EYS: variants seen among roughly 807,000 people sequenced by gnomAD.
EYS encodes the protein EGF-like photoreceptor maintenance factor.
EYS carries 250 observed loss-of-function variants against 282.1 expected under a neutral mutation model. That is an observed-to-expected ratio of 0.89 (90% CI 0.80 to 0.98). The LOEUF (loss-of-function observed/expected upper bound fraction) is 0.98. Ranked by LOEUF, EYS falls within the 50% of genes least tolerant of loss-of-function variation. The probability of loss-of-function intolerance (pLI) is 0.00; values close to 1 mark genes in which losing one functional copy is unlikely to be tolerated. For missense variants in EYS, 4,016 were observed against 3,709.0 expected (o/e 1.08, Z -2.15); for synonymous variants, 1,355 against 1,282.9 (o/e 1.06, Z -1.20).
intron 8 of EYS, among the ~76,000 whole-genome samples, chr6:65,364,427 C>T (rs558266430): frequency 1.2e-4 from 18 of 150,864 alleles, no homozygotes; most frequent in African/African-American, 4.4e-4. Context: ...AATATGATAA[C>T]CTTGCATGAG....
intron 12 of EYS, among the ~76,000 whole-genome samples, chr6:65,131,341 C>T (rs1019825146): frequency 2.0e-5 from 3 of 151,842 alleles, no homozygotes; most frequent in Non-Finnish European, 4.4e-5. Context: ...AAACAATCAT[C>T]AGCAAATGCA....
At chr6:64,376,873 CA>C (rs1272486028) in intron 29 of EYS, among the ~76,000 whole-genome samples, 2 of 152,102 alleles carry the variant, frequency 1.3e-5, no homozygotes, top group African/African-American at 4.8e-5. Context: ...TAGGTTTCCT[CA>C]GCTACATAAT....
chr6:64,222,899 C>A (rs951018630), intron 31 of EYS, among the ~76,000 whole-genome samples: 1 of 151,820 alleles, frequency 6.6e-6, no homozygotes, highest in African/African-American at 2.4e-5. Flanking sequence ...TTGTTTTAGT[C>A]TTATATTAAG....
At chr6:65,196,648 A>T (rs2150243165) in intron 12 of EYS, among the ~76,000 whole-genome samples, 1 of 152,226 alleles carries the variant, frequency 6.6e-6, no homozygotes, top group East Asian at 1.9e-4. Flanking sequence ...GAAAACACAC[A>T]CATAAATGTA....
chr6:65,656,365 C>G (rs1039437525), intron 1 of EYS, among the ~76,000 whole-genome samples: 1 of 151,878 alleles, frequency 6.6e-6, no homozygotes. Context: ...AGCCAGGCCT[C>G]TTGCACCAAA....
At chr6:65,595,649 C>CA (rs61686102) in intron 2 of EYS, among the ~76,000 whole-genome samples, 33,858 of 146,060 alleles carry the variant, frequency 0.23, 3,811 homozygotes, top group Middle Eastern at 0.38. Context: ...TCTTTTATCT[C>CA]AAAAAAAAAA....
chr6:65,407,789 G>C (rs1766818425), intron 5 of EYS, among the ~76,000 whole-genome samples: 1 of 147,742 alleles, frequency 6.8e-6, no homozygotes, highest in African/African-American at 2.5e-5. Flanking sequence ...GTGTGTGTAT[G>C]TCTAACAAAT....
At chr6:64,217,439 G>A (rs187603929) in intron 31 of EYS, among the ~76,000 whole-genome samples, 52 of 152,250 alleles carry the variant, frequency 3.4e-4, no homozygotes, top group Admixed American at 3.4e-3. Flanking sequence ...TGAGACAGGA[G>A]AATCCCTTGA....
At chr6:64,388,382 T>C (rs1461434231) in intron 29 of EYS, among the ~76,000 whole-genome samples, 1 of 152,186 alleles carries the variant, frequency 6.6e-6, no homozygotes, top group African/African-American at 2.4e-5. Flanking sequence ...AAAATCACTA[T>C]CTTAGTGGAC....
chr6:65,017,855 C>T (rs759461811), intron 13 of EYS, among the ~76,000 whole-genome samples: 2 of 152,054 alleles, frequency 1.3e-5, no homozygotes, highest in Non-Finnish European at 2.9e-5. Context: ...TCGTAATACT[C>T]CCCTTTGTAA....
At chr6:64,296,922 A>G (rs1769050785) in intron 30 of EYS, among the ~76,000 whole-genome samples, 1 of 152,084 alleles carries the variant, frequency 6.6e-6, no homozygotes, top group Non-Finnish European at 1.5e-5. Context: ...TTTTTGATGT[A>G]ACTATTTTGA....
intron 31 of EYS, among the ~76,000 whole-genome samples, chr6:64,158,376 A>G (rs1346995823): frequency 1.3e-5 from 2 of 152,198 alleles, no homozygotes; most frequent in Non-Finnish European, 2.9e-5. Flanking sequence ...TTTTTGATTA[A>G]GCAAACTAAT....
At chr6:64,595,692 G>A (rs200743240) in intron 24 of EYS, among the ~76,000 whole-genome samples, 1 of 152,058 alleles carries the variant, frequency 6.6e-6, no homozygotes, top group South Asian at 2.1e-4. Context: ...AGTCACAATA[G>A]CCTCACAAAA....
At chr6:64,073,769 T>C (rs889660003) in intron 32 of EYS, among the ~76,000 whole-genome samples, 1 of 151,578 alleles carries the variant, frequency 6.6e-6, no homozygotes, top group African/African-American at 2.4e-5. Flanking sequence ...TATATGTGTG[T>C]GTGTGTGCAT....
intron 33 of EYS, among the ~76,000 whole-genome samples, chr6:64,031,675 G>A (rs535593007): frequency 3.0e-4 from 46 of 152,324 alleles, no homozygotes; most frequent in African/African-American, 1.1e-3. Context: ...CTCAGGGTTT[G>A]TGAATGCTCC....
At chr6:63,984,311 C>CAG in intron 35 of EYS, 72 bp downstream of exon 35, 1 of 1,104,834 alleles carries the variant, frequency 9.1e-7, no homozygotes, top group Non-Finnish European at 1.3e-6. Context: ...GAGGACAATA[C>CAG]TGCTGGCTTT....
chr6:64,374,080 G>A (rs1772483357), intron 29 of EYS, among the ~76,000 whole-genome samples: 1 of 151,686 alleles, frequency 6.6e-6, no homozygotes, highest in Non-Finnish European at 1.5e-5. Context: ...TGCCTACGTG[G>A]CTACTAGTGG....
chr6:65,482,708 T>G (rs948465666), intron 5 of EYS, among the ~76,000 whole-genome samples: 2 of 152,200 alleles, frequency 1.3e-5, no homozygotes, highest in African/African-American at 2.4e-5. Context: ...CTAGTCAGAT[T>G]GGATCTCTTG....
intron 12 of EYS, among the ~76,000 whole-genome samples, chr6:65,175,556 T>C (rs1765204755): frequency 6.6e-6 from 1 of 151,356 alleles, no homozygotes; most frequent in Non-Finnish European, 1.5e-5. Flanking sequence ...AGAGTGTTGT[T>C]TGTGGTCATA....
Sources: gnomAD v4.1 joint callset for allele counts (sites outside exome capture counted in the v4.1 genomes callset) on GRCh38, gnomAD v4.1.1 for gene constraint, MANE v1.5 for transcripts, NCBI Gene and HGNC (gene_info 2026-07-23, HGNC 2026-07-21) for gene names.